Variants in CYP11B1 observed in about 807,000 individuals in gnomAD.
The protein encoded by CYP11B1 is cytochrome P450 family 11 subfamily B member 1, also known as cytochrome P450 11B1, mitochondrial.
Under a neutral mutation model 48.3 loss-of-function variants are expected in CYP11B1, and 34 were observed. The observed-to-expected ratio is 0.70, with a 90% CI of 0.54 to 0.94. The LOEUF (loss-of-function observed/expected upper bound fraction) is 0.94, where lower values mean the gene tolerates loss of function less well. Among genes scored for constraint, CYP11B1 ranks in the 40% least tolerant of loss-of-function variants. The pLI, the probability that CYP11B1 is intolerant of heterozygous loss-of-function variation, is 0.00. For missense variants in CYP11B1, 688 were observed against 657.4 expected (o/e 1.05, Z -0.51); for synonymous variants, 291 against 262.5 (o/e 1.11, Z -1.05).
Position 142,874,939 on chromosome 8 carries a change from C to G in CYP11B1, c.1398+18G>C, listed in dbSNP as rs774352542. On this transcript the variant is annotated intron_variant, in intron 8 of 8. Transcript: ENST00000292427. The stretch of plus-strand genomic sequence containing the variant: ...CCCAGACCCCGCCCAGGCCCCTCCC[C>G]AGCCCGGGCCTGCTCACATGGTGCA... 2 of 1,611,886 alleles carry G rather than the reference C, an allele frequency of 1.2e-6. No homozygotes were observed. Among genetic ancestry groups the G allele is most frequent in the Non-Finnish European group, 1.7e-6 (2 of 1,179,818 alleles).
At chr8:142,876,578 G>T (rs1304317646) in intron 4 of CYP11B1, 104 bp downstream of exon 4, 3 of 1,552,370 alleles carry the variant, frequency 1.9e-6, no homozygotes, top group African/African-American at 1.4e-5. Flanking sequence ...AGGAATCCCC[G>T]ACCCCTCCCT....
Position 142,874,433 on chromosome 8 carries a change from G to C in CYP11B1, c.1452C>G (p.Val484=), listed in dbSNP as rs1816868253. 6.2e-7 allele frequency: 1 copy of C among 1,613,976 alleles called. No homozygotes were observed. The highest frequency in any genetic ancestry group is 1.1e-5 in the South Asian group (1 of 91,076). Residue 484 remains valine, a synonymous_variant, in exon 9 of 9, where the codon GTC becomes GTG. Transcript: ENST00000292427. ...TGCTGGGCCTCAATATGAAGCTGTA[G>C]ACCATCTTTATGTCCTCTTGGGTTA... ...ETLTQEDIKM[V]YSFILRPSMF...
At position 142,876,226 on chromosome 8, in the gene CYP11B1, G is replaced by A; in HGVS notation, c.954+15C>T. ...GGCATCACCCTCTCTGGGTGGGGCT[G>A]GTTGCCGGCCTGACCGTGTCCACGC... On this transcript the variant is annotated intron_variant, in intron 5 of 8. Transcript: ENST00000292427. The A allele has an allele frequency of 6.2e-7, 1 of 1,614,120 alleles. No homozygotes were observed. The highest frequency in any genetic ancestry group is 1.1e-5 in the South Asian group (1 of 91,070).
In CYP11B1 at chr8:142,874,010, G is replaced by A. The variant is rs1242706118; in HGVS notation, c.*363C>T. The A allele has an allele frequency of 2.7e-6, 1 of 367,420 alleles. No individual in the cohort carries two copies. The highest frequency in any genetic ancestry group is 5.2e-6 in the Non-Finnish European group (1 of 190,646). The allele number at this position is 367,420 out of a possible 1,614,324, so 22.8% of individuals were successfully genotyped here. A position where few individuals can be genotyped will look rare whatever the true frequency, so the allele number is the denominator to read the frequency against. ...GCCAGGGGAAGAGGAACAGGGACAT[G>A]TGAGACTAGGCAGGAAGGCAAGGGA... On this transcript the variant is annotated 3_prime_UTR_variant, in exon 9 of 9. Coordinates refer to ENST00000292427, the MANE Select transcript of CYP11B1 (RefSeq NM_000497.4).
At chr8:142,879,517 C>T in intron 1 of CYP11B1, 58 bp downstream of exon 1, 1 of 1,614,108 alleles carries the variant, frequency 6.2e-7, no homozygotes, top group Non-Finnish European at 8.5e-7. Context: ...CCGGCAGGGT[C>T]CTGGGCAGCA....
At position 142,877,076 on chromosome 8, in the gene CYP11B1, C is replaced by T. The variant is rs146105017; in HGVS notation, c.542G>A (p.Arg181Gln). 54 of 1,613,724 alleles carry T rather than the reference C, an allele frequency of 3.3e-5. No homozygotes were observed. The highest frequency in any genetic ancestry group is 7.7e-5 in the South Asian group (7 of 90,996). Residue 181 changes from arginine (R) to glutamine (Q), a missense_variant, in exon 3 of 9, where the codon CGG (arginine) becomes CAG (glutamine). Arg to Gln is a conservative substitution (Grantham distance 43). Transcript: ENST00000292427. Reference sequence around the variant, plus strand: ...CTGGACGTCCAGGGTCAGGCTCCCCCGGGCGTTCTGCAGCACCTTCTTCTT... The same window carrying T: ...CTGGACGTCCAGGGTCAGGCTCCCCTGGGCGTTCTGCAGCACCTTCTTCTT... Reference protein sequence around the residue: ...ALKKKVLQNARGSLTLDVQPS... With the variant: ...ALKKKVLQNAQGSLTLDVQPS...
chr8:142,879,426 A>T (rs369125425), intron 1 of CYP11B1, 149 bp downstream of exon 1: 243 of 1,613,214 alleles, frequency 1.5e-4, no homozygotes, highest in Non-Finnish European at 2.1e-4. Context: ...AGCGCCACAG[A>T]CCAGCACGTG....
At chr8:142,876,973 C>T (rs774709206) in intron 3 of CYP11B1, 50 bp downstream of exon 3, 50 of 1,612,368 alleles carry the variant, frequency 3.1e-5, no homozygotes, top group Non-Finnish European at 3.9e-5. Context: ...CATCCCCGTC[C>T]CTGGCCACTC....
At chr8:142,879,395 T>C in intron 1 of CYP11B1, 180 bp downstream of exon 1, 1 of 1,611,792 alleles carries the variant, frequency 6.2e-7, no homozygotes, top group Non-Finnish European at 8.5e-7. Context: ...GGATTTGCTC[T>C]GCACCATCCC....
At chr8:142,877,281 G>C (rs566959856) in intron 2 of CYP11B1, 59 bp from the exon 3 acceptor site, 129 of 1,467,950 alleles carry the variant, frequency 8.8e-5, no homozygotes, top group Non-Finnish European at 1.1e-4. Context: ...GCCCTGACCC[G>C]TATCCCATCC....
chr8:142,874,170 C>A lies in CYP11B1; in HGVS notation c.*203G>T. ...GGGCTGGGGACAAGGTCAGCAAGAT[C>A]TTCCCCAGCTGTGCCCTGGCATTGC... On this transcript the variant is annotated 3_prime_UTR_variant, in exon 9 of 9. Transcript: ENST00000292427. 1 of 618,268 alleles carries A rather than the reference C, an allele frequency of 1.6e-6. No homozygotes were observed. The highest frequency in any genetic ancestry group is 2.9e-6 in the Non-Finnish European group (1 of 341,376). 38.3% of individuals were successfully genotyped at this position (618,268 alleles called of 1,614,324 possible). A position where few individuals can be genotyped will look rare whatever the true frequency, so the allele number is the denominator to read the frequency against.
In CYP11B1 at chr8:142,875,752, C is replaced by A; in HGVS notation, c.1081G>T (p.Glu361Ter). ...AGGGCCGCACGCAGCAAGGGCAGCT[C>A]GGTGGTTGCCTTCTGGGGATGTTCA... is the stretch of plus-strand genomic sequence containing the variant. ...ISEHPQKATT[E>*]LPLLRAALKE... The change falls in exon 6 of 9, where the codon GAG becomes TAG. Residue 361 changes from glutamate (E) to a stop codon, truncating the protein, a stop_gained. Coordinates refer to ENST00000292427, the MANE Select transcript of CYP11B1 (RefSeq NM_000497.4). LOFTEE classifies it high-confidence loss of function. The A allele has an allele frequency of 6.2e-7, 1 of 1,614,054 alleles. No individual in the cohort carries two copies. Among genetic ancestry groups the A allele is most frequent in the Non-Finnish European group, 8.5e-7 (1 of 1,180,010 alleles).
In CYP11B1 at chr8:142,878,269, T is replaced by C. The variant is rs576537414; in HGVS notation, c.395+763A>G. ...CAGCCTCAGTGAAGGCCCCCACCCT[T>C]GAGTGCCCTTTTACCTAAACCCCAC... On this transcript the variant is annotated intron_variant, in intron 2 of 8. Coordinates refer to ENST00000292427, the MANE Select transcript of CYP11B1 (RefSeq NM_000497.4). 7.1e-3 allele frequency among the ~76,000 whole-genome samples: 1,082 copies of C among 152,270 alleles called. 15 individuals are homozygous for C. Among genetic ancestry groups the C allele is most frequent in the African/African-American group, 0.025 (1,049 of 41,542 alleles).
Position 142,879,204 on chromosome 8 carries a change from G to T in CYP11B1, c.240-17C>A, listed in dbSNP as rs199613556. The T allele has an allele frequency of 3.6e-4, 574 of 1,613,894 alleles. No homozygotes were observed. The highest frequency in any genetic ancestry group is 1.3e-3 in the Middle Eastern group (8 of 6,062). On this transcript the variant is annotated splice_polypyrimidine_tract_variant and intron_variant, in intron 1 of 8. Transcript: ENST00000292427. ...AAGTCGTACCTGTGGGGCCAAGCACGAGGCCGTGCTGGATGGGACCATGTC... is the reference window on the plus strand; with the variant it reads ...AAGTCGTACCTGTGGGGCCAAGCACTAGGCCGTGCTGGATGGGACCATGTC...
In CYP11B1 at chr8:142,876,807, T is replaced by C. The variant is rs759178158; in HGVS notation, c.674A>G (p.His225Arg). 24 of 1,614,026 alleles carry C rather than the reference T, an allele frequency of 1.5e-5. No homozygotes were observed. The highest frequency in any genetic ancestry group is 1.9e-5 in the Non-Finnish European group (23 of 1,180,030). ...GGATTTGAACATGACCTCCAGGGCA[T>C]GGAGGAAGTTCAGGCTGGCAGAACT... ...SPSSASLNFLHALEVMFKSTV... is the reference protein window; with the variant it reads ...SPSSASLNFLRALEVMFKSTV... The change falls in exon 4 of 9, where the codon CAT (histidine) becomes CGT (arginine). Residue 225 changes from histidine to arginine, a missense_variant. Coordinates refer to ENST00000292427, the MANE Select transcript of CYP11B1 (RefSeq NM_000497.4).
In CYP11B1 at chr8:142,872,531, A is replaced by G. The variant is rs1002185326; in HGVS notation, c.*1842T>C. ...AACATGTTTGATTTCATAGGTTCGC[A>G]GCAAGAACAGTTGGACTCAGGATAA... On this transcript the variant is annotated 3_prime_UTR_variant, in exon 9 of 9. Coordinates refer to ENST00000292427, the MANE Select transcript of CYP11B1 (RefSeq NM_000497.4). 1.3e-5 allele frequency: 2 copies of G among 152,216 alleles called. No individual in the cohort carries two copies. Among genetic ancestry groups the G allele is most frequent in the Non-Finnish European group, 2.9e-5 (2 of 68,040 alleles). The allele number at this position is 152,216 out of a possible 1,614,324, so 9.4% of individuals were successfully genotyped here.
At position 142,875,846 on chromosome 8, in the gene CYP11B1, C is replaced by G; in HGVS notation, c.987G>C (p.Glu329Asp). The change falls in exon 6 of 9, where the codon GAG becomes GAC. Residue 329 changes from glutamate (E) to aspartate (D), a missense_variant. Coordinates refer to ENST00000292427, the MANE Select transcript of CYP11B1 (RefSeq NM_000497.4). ...TVFPLLMTLF[E>D]LARNPNVQQA... Reference sequence around the variant, plus strand: ...GCTGCACGTTGGGGTTCCGAGCCAGCTCAAAGAGCGTCATCAGCAAGGGAA... The same window carrying G: ...GCTGCACGTTGGGGTTCCGAGCCAGGTCAAAGAGCGTCATCAGCAAGGGAA... 6.2e-7 allele frequency: 1 copy of G among 1,614,154 alleles called. No homozygotes were observed. The highest frequency in any genetic ancestry group is 8.5e-7 in the Non-Finnish European group (1 of 1,180,024).
chr8:142,879,206 G>A lies in CYP11B1; in HGVS notation c.240-19C>T, dbSNP rs1174346530. On this transcript the variant is annotated intron_variant, in intron 1 of 8. Coordinates refer to ENST00000292427, the MANE Select transcript of CYP11B1 (RefSeq NM_000497.4). ...GTCGTACCTGTGGGGCCAAGCACGA[G>A]GCCGTGCTGGATGGGACCATGTCCC... The A allele has an allele frequency of 1.2e-6, 2 of 1,613,716 alleles. No homozygotes were observed. The highest frequency in any genetic ancestry group is 1.7e-6 in the Non-Finnish European group (2 of 1,179,998).
intron 2 of CYP11B1, chr8:142,877,645 C>T: frequency 2.7e-6 from 3 of 1,107,132 alleles, no homozygotes; most frequent in Non-Finnish European, 3.9e-6. Context: ...CTGCCCTCTC[C>T]TCCCCGCCCT....
Sources: gnomAD v4.1 joint callset for allele counts (sites outside exome capture counted in the v4.1 genomes callset) on GRCh38, gnomAD v4.1.1 for gene constraint, MANE v1.5 for transcripts, NCBI Gene and HGNC (gene_info 2026-07-23, HGNC 2026-07-21) for gene names.